The following PCDH11X variants were observed in gnomAD, a reference collection of about 807,000 sequenced individuals.
PCDH11X encodes the protein protocadherin 11 X-linked.
A neutral mutation model predicts 53.3 loss-of-function variants in PCDH11X; 18 were observed. The observed-to-expected ratio is 0.34, with a 90% CI of 0.23 to 0.50. The LOEUF is 0.50. Ranked by LOEUF, PCDH11X falls within the 20% of genes least tolerant of loss-of-function variation. The pLI, the probability that PCDH11X is intolerant of heterozygous loss-of-function variation, is 0.98. For missense variants in PCDH11X, 570 were observed against 1,032.4 expected (o/e 0.55, Z 6.14); for synonymous variants, 279 against 393.3 (o/e 0.71, Z 3.44).
chrX:92,305,267 A>C (rs2068800836), intron 8 of PCDH11X, among the ~76,000 whole-genome samples: 1 of 110,028 alleles, frequency 9.1e-6, no homozygotes, highest in Non-Finnish European at 1.9e-5. Flanking sequence ...TGGGTAACAA[A>C]GTTACCACAG....
chrX:91,871,076 A>AAT (rs1431645712), intron 5 of PCDH11X, among the ~76,000 whole-genome samples: 1 of 109,789 alleles, frequency 9.1e-6, no homozygotes, highest in African/African-American at 3.4e-5. Context: ...CACAGTATTG[A>AAT]ATATATAAGC....
At chrX:91,879,474 A>G in intron 6 of PCDH11X, 1 of 1,062,765 alleles carries the variant, frequency 9.4e-7, no homozygotes, top group Non-Finnish European at 1.2e-6. Flanking sequence ...GGAAAATTGG[A>G]TGCAGAATAA....
At chrX:92,130,368 C>T (rs939449949) in intron 6 of PCDH11X, among the ~76,000 whole-genome samples, 8 of 110,379 alleles carry the variant, frequency 7.2e-5, no homozygotes, top group Non-Finnish European at 1.3e-4. Context: ...TTATTGAGGC[C>T]GGGCACGGTG....
At chrX:92,447,481 G>A (rs2072680176) in intron 9 of PCDH11X, among the ~76,000 whole-genome samples, 2 of 111,653 alleles carry the variant, frequency 1.8e-5, no homozygotes, top group South Asian at 3.8e-4. Flanking sequence ...AAGGGTGCAA[G>A]CTCCAAGCCT....
intron 10 of PCDH11X, among the ~76,000 whole-genome samples, chrX:92,578,970 G>A (rs1448195603): frequency 9.0e-6 from 1 of 110,944 alleles, no homozygotes; most frequent in Non-Finnish European, 1.9e-5. Context: ...GCAATTGCTT[G>A]TCTGAAAAGT....
At chrX:92,229,029 A>G (rs2067021758) in intron 7 of PCDH11X, among the ~76,000 whole-genome samples, 1 of 111,863 alleles carries the variant, frequency 8.9e-6, no homozygotes, top group Non-Finnish European at 1.9e-5. Flanking sequence ...CACATTAAAA[A>G]TCGCAAATCT....
intron 6 of PCDH11X, among the ~76,000 whole-genome samples, chrX:92,101,393 A>C (rs913745767): frequency 2.0e-4 from 22 of 111,329 alleles, no homozygotes; most frequent in Admixed American, 1.1e-3. Flanking sequence ...CTGAGAAGGG[A>C]AAGTGATAAA....
intron 6 of PCDH11X, among the ~76,000 whole-genome samples, chrX:91,949,701 T>C (rs1333032039): frequency 2.7e-5 from 3 of 110,978 alleles, no homozygotes; most frequent in African/African-American, 6.5e-5. Flanking sequence ...TATTTGATGG[T>C]TTTGTATGTG....
intron 8 of PCDH11X, among the ~76,000 whole-genome samples, chrX:92,332,593 T>C (rs1392577614): frequency 8.9e-6 from 1 of 112,373 alleles, no homozygotes; most frequent in Non-Finnish European, 1.9e-5. Context: ...TTTACAAATA[T>C]GTTCTCACAA....
rs138633015 is a variant in PCDH11X at position 92,436,562 on chromosome X, A to G, written c.3344-31737A>G. 3.2e-4 allele frequency among the ~76,000 whole-genome samples: 36 copies of G among 111,725 alleles called. No individual in the cohort carries two copies. The East Asian group carries it at 9.9e-3, about 31-fold the overall frequency. ...CAGCACTATTCACAATAGTAAAGAC[A>G]TGGAATCAAGCTAAATGCCCATCAA... On this transcript the variant is annotated intron_variant, in intron 9 of 10. Coordinates refer to ENST00000682573, the MANE Select transcript of PCDH11X (RefSeq NM_032968.5).
intron 6 of PCDH11X, among the ~76,000 whole-genome samples, chrX:91,987,283 C>T (rs2147937281): frequency 9.0e-6 from 1 of 110,922 alleles, no homozygotes; most frequent in African/African-American, 3.3e-5. Context: ...TGGGATTTCA[C>T]GTTGTCCAGG....
chrX:92,160,688 C>T (rs2065627613), intron 6 of PCDH11X, among the ~76,000 whole-genome samples: 1 of 103,717 alleles, frequency 9.6e-6, no homozygotes, highest in African/African-American at 3.5e-5. Context: ...GGGTAGATAC[C>T]CAGTAGTGGG....
At chrX:92,355,846 G>A (rs112916572) in intron 8 of PCDH11X, among the ~76,000 whole-genome samples, 1 of 108,867 alleles carries the variant, frequency 9.2e-6, no homozygotes, top group Admixed American at 9.9e-5. Context: ...TGCAATCAGA[G>A]AACCGTGCTA....
At chrX:91,985,420 G>C (rs1364658844) in intron 6 of PCDH11X, among the ~76,000 whole-genome samples, 1 of 112,267 alleles carries the variant, frequency 8.9e-6, no homozygotes, top group Non-Finnish European at 1.9e-5. Flanking sequence ...CAGGAGAATT[G>C]CTTGAACCCG....
chrX:92,044,169 C>G (rs1296199061), intron 6 of PCDH11X, among the ~76,000 whole-genome samples: 1 of 108,700 alleles, frequency 9.2e-6, no homozygotes, highest in East Asian at 2.9e-4. Flanking sequence ...AAAGAATTAG[C>G]AAAATCTTTG....
intron 8 of PCDH11X, among the ~76,000 whole-genome samples, chrX:92,321,347 C>T (rs914783062): frequency 9.2e-6 from 1 of 108,428 alleles, no homozygotes; most frequent in Non-Finnish European, 1.9e-5. Context: ...CGCCTGCCAC[C>T]ATGCCCAGCT....
At chrX:91,949,788 CTA>C (rs1408678698) in intron 6 of PCDH11X, among the ~76,000 whole-genome samples, 3 of 108,072 alleles carry the variant, frequency 2.8e-5, no homozygotes, top group Non-Finnish European at 5.8e-5. Flanking sequence ...CAGATACAAA[CTA>C]TAATTATTTA....
At chrX:91,998,508 A>AT (rs967822831) in intron 6 of PCDH11X, among the ~76,000 whole-genome samples, 4 of 109,983 alleles carry the variant, frequency 3.6e-5, no homozygotes, top group Admixed American at 9.7e-5. Flanking sequence ...TTGCAAAAAA[A>AT]AAAATCCTCT....
At chrX:92,452,463 G>GTGTGTATATATATATA (rs1415846958) in intron 9 of PCDH11X, among the ~76,000 whole-genome samples, 9 of 44,701 alleles carry the variant, frequency 2.0e-4, no homozygotes, top group African/African-American at 2.8e-4. Context: ...GTGTGTGTGT[G>GTGTGTATATATATATA]TATATATATA....
Sources: allele counts gnomAD v4.1 joint callset (sites outside exome capture counted in the v4.1 genomes callset), GRCh38; gene constraint gnomAD v4.1.1; transcripts MANE v1.5; gene names NCBI Gene and HGNC (gene_info 2026-07-23, HGNC 2026-07-21).